BCAR3: variants seen among roughly 807,000 people sequenced by gnomAD.
BCAR3 encodes BCAR3 adaptor protein, NSP family member.
A neutral mutation model predicts 80.1 loss-of-function variants in BCAR3; 37 were observed. The ratio of observed to expected loss-of-function variants is 0.46; its 90% CI spans 0.36 to 0.61. The LOEUF is 0.61. BCAR3 is among the 20% of genes least tolerant of loss of function. BCAR3 has a pLI of 0.00. For missense variants in BCAR3, 978 were observed against 1,068.2 expected, an observed-to-expected ratio of 0.92 and a Z score of 1.18; for synonymous variants, 389 against 418.9, an observed-to-expected ratio of 0.93 and a Z score of 0.87.
intron 3 of BCAR3, among the ~76,000 whole-genome samples, chr1:93,597,884 G>A (rs902493780): frequency 5.3e-5 from 8 of 152,166 alleles, no homozygotes; most frequent in Non-Finnish European, 5.9e-5. Flanking sequence ...TCGGTTACAC[G>A]GAGGGGACTG....
At chr1:93,591,981 ACT>A (rs1674222338) in intron 4 of BCAR3, among the ~76,000 whole-genome samples, 1 of 152,236 alleles carries the variant, frequency 6.6e-6, no homozygotes, top group South Asian at 2.1e-4. Context: ...CCGGTTACTG[ACT>A]CTGTGGCTGC....
intron 2 of BCAR3, among the ~76,000 whole-genome samples, chr1:93,666,114 C>T (rs998073936): frequency 1.8e-4 from 28 of 152,160 alleles, no homozygotes; most frequent in Non-Finnish European, 4.0e-4. Context: ...ACAAAGCAAT[C>T]TTCTAAAAAC....
intron 2 of BCAR3, among the ~76,000 whole-genome samples, chr1:93,661,201 T>C (rs1647637770): frequency 6.6e-6 from 1 of 151,972 alleles, no homozygotes; most frequent in South Asian, 2.1e-4. Flanking sequence ...CACCACGCCC[T>C]GCTAATTTTA....
chr1:93,725,410 C>T (rs1054911347), intron 2 of BCAR3, among the ~76,000 whole-genome samples: 2 of 152,210 alleles, frequency 1.3e-5, no homozygotes, highest in Admixed American at 6.5e-5. Flanking sequence ...CATCTTTCCA[C>T]ATATTTATCA....
intron 3 of BCAR3, among the ~76,000 whole-genome samples, chr1:93,636,627 G>T (rs1675790218): frequency 6.6e-6 from 1 of 150,596 alleles, no homozygotes; most frequent in Non-Finnish European, 1.5e-5. Flanking sequence ...TAACTTTTTT[G>T]AGGACAATTT....
chr1:93,579,086 G>C (rs547129484), intron 7 of BCAR3, among the ~76,000 whole-genome samples: 2 of 152,292 alleles, frequency 1.3e-5, no homozygotes, highest in African/African-American at 2.4e-5. Context: ...CTAGGCCCTT[G>C]GGGGGTGGGG....
intron 3 of BCAR3, among the ~76,000 whole-genome samples, chr1:93,638,474 G>T (rs909508993): frequency 6.6e-6 from 1 of 152,174 alleles, no homozygotes; most frequent in African/African-American, 2.4e-5. Flanking sequence ...GTAAAAATCT[G>T]GGCAAGTGCA....
chr1:93,747,483 G>A (rs1571092953), intron 2 of BCAR3, among the ~76,000 whole-genome samples: 1 of 151,688 alleles, frequency 6.6e-6, no homozygotes, highest in Non-Finnish European at 1.5e-5. Context: ...AGTTGCTGGT[G>A]TCTGTCTTCA....
intron 1 of BCAR3, among the ~76,000 whole-genome samples, chr1:93,677,605 G>A (rs944210829): frequency 2.6e-5 from 4 of 152,162 alleles, no homozygotes; most frequent in African/African-American, 9.7e-5. Context: ...CTGGGTAAAG[G>A]GAGAGAAAGG....
chr1:93,769,809 C>T (rs1219131059), intron 2 of BCAR3, among the ~76,000 whole-genome samples: 2 of 152,190 alleles, frequency 1.3e-5, no homozygotes, highest in Non-Finnish European at 2.9e-5. Flanking sequence ...TCCTCTGGTG[C>T]AGAACTTTCA....
chr1:93,775,281 G>A (rs990427727), intron 2 of BCAR3: 2 of 152,242 alleles, frequency 1.3e-5, no homozygotes, highest in African/African-American at 4.8e-5. Context: ...GGGATTCAAG[G>A]GTGTATCAAG....
chr1:93,726,090 A>G (rs1410821229), intron 2 of BCAR3, among the ~76,000 whole-genome samples: 1 of 151,802 alleles, frequency 6.6e-6, no homozygotes, highest in East Asian at 1.9e-4. Context: ...TTTTTGAGAC[A>G]GGGTGTCACT....
At chr1:93,635,477 T>G (rs1675753522) in intron 3 of BCAR3, among the ~76,000 whole-genome samples, 2 of 152,230 alleles carry the variant, frequency 1.3e-5, no homozygotes, top group African/African-American at 4.8e-5. Context: ...AGGGAGACTG[T>G]CATCCATACC....
chr1:93,587,567 T>C (rs1312569439), intron 5 of BCAR3, among the ~76,000 whole-genome samples: 1 of 152,178 alleles, frequency 6.6e-6, no homozygotes, highest in African/African-American at 2.4e-5. Flanking sequence ...AGCCAGATGC[T>C]GACTAGCATG....
chr1:93,592,162 G>T lies in BCAR3; in HGVS notation c.486+103C>A, dbSNP rs1251382973. ...AGAGTATTTGTTTTTGGTTACACAGGTGCTTCCGCCCATGTGGCCTCGGAG... is the reference window on the plus strand; with the variant it reads ...AGAGTATTTGTTTTTGGTTACACAGTTGCTTCCGCCCATGTGGCCTCGGAG... On this transcript the variant is annotated intron_variant, in intron 4 of 11. Coordinates refer to ENST00000260502, the MANE Select transcript of BCAR3 (RefSeq NM_003567.4). The surrounding 1 kb of genome is among the most constrained non-coding windows in gnomAD (Gnocchi z 4.8). 6.6e-7 allele frequency: 1 copy of T among 1,511,258 alleles called. No individual in the cohort carries two copies. Among genetic ancestry groups the T allele is most frequent in the East Asian group, 2.3e-5 (1 of 43,842 alleles). The allele number at this position is 1,511,258 out of a possible 1,614,324, so 93.6% of individuals were successfully genotyped here. A position where few individuals can be genotyped will look rare whatever the true frequency, so the allele number is the denominator to read the frequency against.
At chr1:93,675,811 T>C (rs1437040104) in intron 1 of BCAR3, among the ~76,000 whole-genome samples, 1 of 151,750 alleles carries the variant, frequency 6.6e-6, no homozygotes, top group Non-Finnish European at 1.5e-5. Flanking sequence ...AGTAGAAGCA[T>C]TTACCCTGAG....
intron 2 of BCAR3, among the ~76,000 whole-genome samples, chr1:93,828,687 C>T (rs540870542): frequency 6.6e-6 from 1 of 152,198 alleles, no homozygotes; most frequent in South Asian, 2.1e-4. Flanking sequence ...TTGAAGTCTC[C>T]TGCATCATGT....
chr1:93,634,408 T>C (rs1675714493), intron 3 of BCAR3, among the ~76,000 whole-genome samples: 3 of 152,058 alleles, frequency 2.0e-5, no homozygotes, highest in African/African-American at 7.2e-5. Context: ...ATGGGGAGTT[T>C]TGGCTGGGCG....
intron 2 of BCAR3, among the ~76,000 whole-genome samples, chr1:93,760,329 G>A (rs1651891793): frequency 6.6e-6 from 1 of 152,090 alleles, no homozygotes; most frequent in Non-Finnish European, 1.5e-5. Flanking sequence ...TTTTCAGTGG[G>A]GACTCAGCAA....
Sources: allele counts gnomAD v4.1 joint callset (sites outside exome capture counted in the v4.1 genomes callset), GRCh38; gene constraint gnomAD v4.1.1; non-coding constraint Gnocchi (gnomAD v3.1); transcripts MANE v1.5; gene names NCBI Gene and HGNC (gene_info 2026-07-23, HGNC 2026-07-21).